Variants in GRXCR1 observed in about 807,000 individuals in gnomAD.
GRXCR1 encodes the protein glutaredoxin and cysteine rich domain containing 1.
A neutral mutation model predicts 27.3 loss-of-function variants in GRXCR1; 27 were observed. The observed-to-expected ratio is 0.99, with a 90% CI of 0.73 to 1.37. The LOEUF (loss-of-function observed/expected upper bound fraction) is 1.37. Ranked by LOEUF, GRXCR1 falls within the 40% of genes most tolerant of loss-of-function variation. The probability of loss-of-function intolerance (pLI) is 0.00; values close to 1 mark genes in which losing one functional copy is unlikely to be tolerated. For missense variants in GRXCR1, 379 were observed against 354.4 expected (o/e 1.07, Z -0.56); for synonymous variants, 122 against 131.1 (o/e 0.93, Z 0.47).
intron 2 of GRXCR1, among the ~76,000 whole-genome samples, chr4:43,010,418 A>G (rs1465919299): frequency 6.6e-6 from 1 of 151,722 alleles, no homozygotes; most frequent in Non-Finnish European, 1.5e-5. Context: ...AAAAAAAAAA[A>G]GAGTGTGGCC....
intron 1 of GRXCR1, among the ~76,000 whole-genome samples, chr4:42,943,268 A>T (rs1747664724): frequency 6.6e-6 from 1 of 152,120 alleles, no homozygotes; most frequent in Non-Finnish European, 1.5e-5. Context: ...TATTTTGTTT[A>T]TCCTTGAAAG....
chr4:42,943,846 C>T (rs988797755), intron 1 of GRXCR1, among the ~76,000 whole-genome samples: 2 of 151,866 alleles, frequency 1.3e-5, no homozygotes, highest in Non-Finnish European at 2.9e-5. Context: ...TTGGGGGTTG[C>T]CACTGCTATC....
chr4:42,960,680 C>G (rs1748112312), intron 1 of GRXCR1, among the ~76,000 whole-genome samples: 1 of 151,544 alleles, frequency 6.6e-6, no homozygotes, highest in Non-Finnish European at 1.5e-5. Context: ...ATCTTCTCAG[C>G]AAACTTGTTA....
intron 2 of GRXCR1, among the ~76,000 whole-genome samples, chr4:42,990,023 A>G (rs1172288126): frequency 6.6e-6 from 1 of 151,904 alleles, no homozygotes; most frequent in East Asian, 1.9e-4. Flanking sequence ...AATAGCTTCC[A>G]GTTGAGCATA....
At chr4:42,974,852 A>T (rs1444852747) in intron 2 of GRXCR1, among the ~76,000 whole-genome samples, 1 of 152,142 alleles carries the variant, frequency 6.6e-6, no homozygotes, top group Non-Finnish European at 1.5e-5. Context: ...AGAGTATAAG[A>T]TATATTACAA....
chr4:43,009,407 G>C (rs550080961), intron 2 of GRXCR1, among the ~76,000 whole-genome samples: 3 of 152,110 alleles, frequency 2.0e-5, no homozygotes, highest in East Asian at 1.9e-4. Flanking sequence ...TCTCTCTACT[G>C]TCATCCTCAT....
Position 42,989,567 on chromosome 4 carries a change from G to A in GRXCR1, c.627+26433G>A, listed in dbSNP as rs376631743. ...TTTACTTCTCCCTCTATGCTGTTGA[G>A]CTCCTATGAGCTACCTGTATCTTAT... On this transcript the variant is annotated intron_variant, in intron 2 of 3. Transcript: ENST00000399770. 2.6e-5 allele frequency among the ~76,000 whole-genome samples: 4 copies of A among 152,092 alleles called. No homozygotes were observed. The East Asian group carries it at 7.7e-4, about 29-fold the overall frequency.
At chr4:42,982,849 G>A (rs1442085992) in intron 2 of GRXCR1, among the ~76,000 whole-genome samples, 2 of 150,158 alleles carry the variant, frequency 1.3e-5, no homozygotes, top group African/African-American at 4.9e-5. Context: ...CTGCATAAAT[G>A]TCTTCTTTTG....
At chr4:42,987,216 T>TG (rs1711759783) in intron 2 of GRXCR1, among the ~76,000 whole-genome samples, 2 of 25,420 alleles carry the variant, frequency 7.9e-5, no homozygotes, top group Middle Eastern at 0.018. Flanking sequence ...ATATATTATA[T>TG]ATATATTATA....
At chr4:43,011,184 A>G (rs533002108) in intron 2 of GRXCR1, among the ~76,000 whole-genome samples, 1 of 152,340 alleles carries the variant, frequency 6.6e-6, no homozygotes, top group East Asian at 1.9e-4. Context: ...AAAGAGTGAA[A>G]TCATTTAATT....
At position 43,007,696 on chromosome 4, in the gene GRXCR1, G is replaced by A. The variant is rs529797309; in HGVS notation, c.628-12658G>A. ...AATTGAATGTGGGATGATGAAAAAT[G>A]AGAAGTCAAGGTCAATGGCTAGAAT... is the stretch of plus-strand genomic sequence containing the variant. On this transcript the variant is annotated intron_variant, in intron 2 of 3. Transcript: ENST00000399770. 4.9e-4 allele frequency among the ~76,000 whole-genome samples: 74 copies of A among 152,340 alleles called. 2 individuals carry two copies. In the South Asian group the frequency reaches 9.7e-3, roughly 20 times the overall value.
At chr4:42,991,752 T>C (rs932342363) in intron 2 of GRXCR1, among the ~76,000 whole-genome samples, 1 of 152,116 alleles carries the variant, frequency 6.6e-6, no homozygotes, top group African/African-American at 2.4e-5. Context: ...TTATATACTG[T>C]ATGTATATCT....
Position 43,020,294 on chromosome 4 carries a change from C to T in GRXCR1, c.628-60C>T, listed in dbSNP as rs1299533304. On this transcript the variant is annotated intron_variant, in intron 2 of 3. Coordinates refer to ENST00000399770, the MANE Select transcript of GRXCR1 (RefSeq NM_001080476.3). ...GTGGGTTAAGCTTTCCTTGTTAGAA[C>T]TTTATTTTCTCAAATACTAACAAAA... 4 of 1,107,822 alleles carry T rather than the reference C, an allele frequency of 3.6e-6. No individual in the cohort carries two copies. In the South Asian group the frequency reaches 5.0e-5, roughly 14 times the overall value. 68.6% of individuals were successfully genotyped at this position (1,107,822 alleles called of 1,614,324 possible).
intron 2 of GRXCR1, among the ~76,000 whole-genome samples, chr4:42,968,280 A>C (rs1395330957): frequency 1.3e-5 from 2 of 152,112 alleles, no homozygotes; most frequent in East Asian, 3.9e-4. Flanking sequence ...TGAGATCATC[A>C]TTCATTATTG....
chr4:43,030,316 T>A (rs768797101), intron 3 of GRXCR1, 45 bp from the exon 4 acceptor site: 1 of 1,581,582 alleles, frequency 6.3e-7, no homozygotes, highest in Non-Finnish European at 8.7e-7. Flanking sequence ...TTGTTCATGC[T>A]AACACATCCT....
chr4:43,008,620 G>T (rs768063610), intron 2 of GRXCR1, among the ~76,000 whole-genome samples: 20 of 152,138 alleles, frequency 1.3e-4, no homozygotes, highest in Non-Finnish European at 2.4e-4. Context: ...ATATTGGACT[G>T]TGGTTTGACA....
chr4:42,930,018 A>G (rs895407695), intron 1 of GRXCR1, among the ~76,000 whole-genome samples: 5 of 151,982 alleles, frequency 3.3e-5, no homozygotes, highest in African/African-American at 1.2e-4. Flanking sequence ...AAGCCTTAAC[A>G]TCTATGCTCT....
chr4:42,944,000 AG>A (rs1199024424), intron 1 of GRXCR1, among the ~76,000 whole-genome samples: 3 of 152,136 alleles, frequency 2.0e-5, no homozygotes, highest in Admixed American at 6.6e-5. Context: ...TGACAAAGAC[AG>A]CAAATAAGAT....
rs753619535 is a variant in GRXCR1, at chr4:43,009,743, C to T, written c.628-10611C>T. Among the ~76,000 whole-genome samples the T allele has an allele frequency of 9.4e-4, 142 of 151,766 alleles. 1 individual carries two copies. The highest frequency in any genetic ancestry group is 1.8e-3 in the Non-Finnish European group (124 of 67,910). ...ATTCCTCAGGGCTCTGCCTTCATAA[C>T]CTAATCACCCCCCCAAATACTCCAC... is the stretch of plus-strand genomic sequence containing the variant. On this transcript the variant is annotated intron_variant, in intron 2 of 3. Coordinates refer to ENST00000399770, the MANE Select transcript of GRXCR1 (RefSeq NM_001080476.3).
Sources: gnomAD v4.1 joint callset for allele counts (sites outside exome capture counted in the v4.1 genomes callset) on GRCh38, gnomAD v4.1.1 for gene constraint, MANE v1.5 for transcripts, NCBI Gene and HGNC (gene_info 2026-07-23, HGNC 2026-07-21) for gene names.